The following TNS1 variants were observed in gnomAD, a reference collection of about 807,000 sequenced individuals.
The protein encoded by TNS1 is tensin-1.
TNS1 carries 62 observed loss-of-function variants against 168.6 expected under a neutral mutation model. That is an observed-to-expected ratio of 0.37 (90% CI 0.30 to 0.45). TNS1 has a LOEUF of 0.45. TNS1 is among the 20% of genes least tolerant of loss of function. TNS1 has a pLI of 1.00. For missense variants in TNS1, 2,240 were observed against 2,339.4 expected, an observed-to-expected ratio of 0.96 and a Z score of 0.88; for synonymous variants, 934 against 933.2, an observed-to-expected ratio of 1.00 and a Z score of -0.02.
intron 19 of TNS1, among the ~76,000 whole-genome samples, chr2:217,841,709 T>C (rs1574751376): frequency 2.6e-5 from 4 of 152,100 alleles, no homozygotes; most frequent in Admixed American, 2.6e-4. Flanking sequence ...GGCCTGTCCC[T>C]GGACCACCCA....
upstream of TNS1, among the ~76,000 whole-genome samples, chr2:218,015,006 G>A (rs1349954436): frequency 1.3e-5 from 2 of 152,124 alleles, no homozygotes; most frequent in Non-Finnish European, 2.9e-5. Context: ...GCTGGATTAT[G>A]GGCCAGTAGG....
chr2:217,805,478 CACACACCACACACA>C (rs1938428393), intron 32 of TNS1, among the ~76,000 whole-genome samples: 1 of 3,726 alleles, frequency 2.7e-4, no homozygotes, highest in Non-Finnish European at 7.5e-4. Flanking sequence ...ACACACACCA[CACACACCACACACA>C]CACCACACAC....
chr2:217,867,847 G>A (rs537893843), intron 18 of TNS1, among the ~76,000 whole-genome samples: 2 of 152,336 alleles, frequency 1.3e-5, no homozygotes, highest in East Asian at 3.9e-4. Context: ...GGCCGGGACT[G>A]ACCAACTCCC....
At chr2:218,005,049 TATCACCAGCTC>T (rs1464843589), upstream of TNS1, among the ~76,000 whole-genome samples, 60 of 152,276 alleles carry the variant, frequency 3.9e-4, no homozygotes, top group East Asian at 0.011. Flanking sequence ...CCTCAGCCAC[TATCACCAGCTC>T]TGCCAGGCTG....
rs748105499 is a variant in TNS1, at chr2:217,814,980, C to G, written c.4661G>C (p.Arg1554Pro). 6.2e-7 allele frequency: 1 copy of G among 1,612,892 alleles called. No individual in the cohort carries two copies. The highest frequency in any genetic ancestry group is 2.2e-5 in the East Asian group (1 of 44,886). The change falls in exon 25 of 33, where the codon CGG becomes CCG. Residue 1554 changes from arginine to proline, a missense_variant. Arg to Pro is a moderately radical substitution (Grantham distance 103, BLOSUM62 -2). This residue lies in a region of TNS1 where 2,131 missense variants were observed against 2,171.2 expected (regional missense o/e 0.98). Transcript: ENST00000682258. ...YSMPDNSPET[R>P]AKVKFVQDTS... Reference sequence around the variant, plus strand: ...GTCCTGGACAAACTTCACTTTAGCCCGCGTCTCCGGGCTGTTGTCTAAAGC... The same window carrying G: ...GTCCTGGACAAACTTCACTTTAGCCGGCGTCTCCGGGCTGTTGTCTAAAGC...
chr2:217,895,688 C>G (rs918367567), intron 8 of TNS1, among the ~76,000 whole-genome samples: 5 of 152,184 alleles, frequency 3.3e-5, no homozygotes, highest in African/African-American at 1.2e-4. Context: ...CCAGCACATG[C>G]CTTTCAACGC....
At chr2:217,998,854 C>G (rs777267155) in intron 1 of TNS1, among the ~76,000 whole-genome samples, 1 of 152,118 alleles carries the variant, frequency 6.6e-6, no homozygotes, top group Non-Finnish European at 1.5e-5. Context: ...TTTCCTGACA[C>G]CTTCTCCCTA....
chr2:217,872,505 A>T (rs1173938191), intron 18 of TNS1, among the ~76,000 whole-genome samples: 2 of 152,262 alleles, frequency 1.3e-5, no homozygotes, highest in Non-Finnish European at 2.9e-5. Flanking sequence ...ACCACAATGC[A>T]ATACCCTTTC....
At chr2:217,815,770 C>A (rs1403292064) in intron 24 of TNS1, among the ~76,000 whole-genome samples, 1 of 152,220 alleles carries the variant, frequency 6.6e-6, no homozygotes, top group Non-Finnish European at 1.5e-5. Context: ...CTTCAGCATA[C>A]CCACCATGAA....
intron 2 of TNS1, among the ~76,000 whole-genome samples, chr2:217,985,993 A>C (rs1225633001): frequency 6.6e-6 from 1 of 151,982 alleles, no homozygotes; most frequent in Non-Finnish European, 1.5e-5. Context: ...TCCTCCAAAA[A>C]CCTTACAGCT....
chr2:218,010,181 A>T (rs1201843977), exon 1 of TNS1: 2 of 398,756 alleles, frequency 5.0e-6, no homozygotes, highest in African/African-American at 2.1e-5. Flanking sequence ...AGAAGCACCA[A>T]CTCAGCCGAG....
chr2:217,875,410 A>G (rs900359148), intron 18 of TNS1, among the ~76,000 whole-genome samples: 4 of 152,186 alleles, frequency 2.6e-5, no homozygotes, highest in African/African-American at 9.7e-5. Flanking sequence ...TTCACAAGTC[A>G]TGAAAAGACA....
upstream of TNS1, among the ~76,000 whole-genome samples, chr2:218,012,234 A>T (rs981154210): frequency 4.6e-5 from 7 of 152,206 alleles, no homozygotes; most frequent in Admixed American, 3.3e-4. Flanking sequence ...CATCCAAAGG[A>T]ATCACTTGTG....
At chr2:217,867,428 C>A (rs1448091726) in intron 18 of TNS1, among the ~76,000 whole-genome samples, 1 of 152,198 alleles carries the variant, frequency 6.6e-6, no homozygotes, top group Non-Finnish European at 1.5e-5. Flanking sequence ...TTGGAAACAG[C>A]TTAAATGTTT....
At chr2:217,859,768 C>T in intron 18 of TNS1, 3 of 1,268,638 alleles carry the variant, frequency 2.4e-6, no homozygotes, top group Admixed American at 2.0e-5. Flanking sequence ...TCGTTCCCAA[C>T]CACCCAGATC....
chr2:217,834,351 T>C (rs1258893095), intron 21 of TNS1, among the ~76,000 whole-genome samples: 1 of 152,236 alleles, frequency 6.6e-6, no homozygotes, highest in African/African-American at 2.4e-5. Context: ...TGTCTCCTTT[T>C]TGTGCTGACC....
At chr2:217,935,304 C>T (rs769570334) in intron 3 of TNS1, among the ~76,000 whole-genome samples, 4 of 152,266 alleles carry the variant, frequency 2.6e-5, no homozygotes, top group Non-Finnish European at 5.9e-5. Context: ...GGGAGATGGA[C>T]TGCAGGCCCT....
At chr2:218,027,154 G>A (rs1958855626) in intron 1 of TNS1, among the ~76,000 whole-genome samples, 1 of 152,086 alleles carries the variant, frequency 6.6e-6, no homozygotes, top group South Asian at 2.1e-4. Flanking sequence ...GCCCAGCCAT[G>A]TGAGGACACC....
chr2:217,829,740 C>T (rs1944140504), intron 22 of TNS1: 4 of 1,367,116 alleles, frequency 2.9e-6, no homozygotes, highest in Non-Finnish European at 4.2e-6. Flanking sequence ...TCGCCTGAGT[C>T]CCAGTGAGGA....
Sources: gnomAD v4.1 joint callset for allele counts (sites outside exome capture counted in the v4.1 genomes callset) on GRCh38, gnomAD v4.1.1 for gene constraint, gnomAD v4.1.1 regional missense constraint, MANE v1.5 for transcripts, NCBI Gene and HGNC (gene_info 2026-07-23, HGNC 2026-07-21) for gene names.